The following TMPRSS9 variants were observed in gnomAD, a reference collection of about 807,000 sequenced individuals.
TMPRSS9 encodes the protein transmembrane serine protease 9.
Under a neutral mutation model 111.4 loss-of-function variants are expected in TMPRSS9, and 113 were observed. That is an observed-to-expected ratio of 1.01 (90% CI 0.87 to 1.19). The LOEUF is 1.19. Ranked by LOEUF, TMPRSS9 falls within the 50% of genes most tolerant of loss-of-function variation. The probability of loss-of-function intolerance (pLI) is 0.00; values close to 1 mark genes in which losing one functional copy is unlikely to be tolerated. For synonymous variants in TMPRSS9, 805 were observed against 659.1 expected, an observed-to-expected ratio of 1.22 and a Z score of -3.39; for missense variants, 1,803 against 1,513.1, an observed-to-expected ratio of 1.19 and a Z score of -3.18.
Position 2,399,218 on chromosome 19 carries a change from C to T in TMPRSS9, c.514+25C>T, listed in dbSNP as rs371916432. On this transcript the variant is annotated intron_variant, in intron 4 of 17. Coordinates refer to ENST00000648592, the Ensembl canonical transcript of TMPRSS9. ...GGTGAGTGGGCAGCCGAGACCGAAA[C>T]CCCATCACGAGGAGGCTGGAGTGGG... 3.8e-4 allele frequency: 585 copies of T among 1,554,674 alleles called. 1 individual carries two copies. Among genetic ancestry groups the T allele is most frequent in the Non-Finnish European group, 4.3e-4 (492 of 1,150,790 alleles).
At chr19:2,364,707 C>T (rs117672689) in intron 1 of TMPRSS9, among the ~76,000 whole-genome samples, 307 of 152,060 alleles carry the variant, frequency 2.0e-3, no homozygotes, top group Non-Finnish European at 3.3e-3. Flanking sequence ...AAAACTGGGC[C>T]GGGAACGGTG....
chr19:2,378,625 GA>G (rs1970357187), intron 1 of TMPRSS9, among the ~76,000 whole-genome samples: 1 of 152,212 alleles, frequency 6.6e-6, no homozygotes, highest in South Asian at 2.1e-4. Context: ...GGCTGAGGCA[GA>G]AGAATTGCTT....
exon 14 of TMPRSS9, chr19:2,422,121 C>T (rs1432933638): frequency 7.5e-6 from 12 of 1,598,310 alleles, no homozygotes; most frequent in Non-Finnish European, 1.0e-5. Flanking sequence ...CAGACCCACC[C>T]CTGGGGCTGC....
rs760878018 is a variant in TMPRSS9, at chr19:2,425,371, C to A, written c.2998C>A (p.Gln1000Lys). The A allele has an allele frequency of 1.9e-5, 29 of 1,528,486 alleles. No individual in the cohort carries two copies. The East Asian group carries it at 7.6e-4, about 40-fold the overall frequency. 94.7% of individuals were successfully genotyped at this position (1,528,486 alleles called of 1,614,324 possible). The stretch of plus-strand genomic sequence containing the variant: ...CCCGCCCGCAGGCTCCATGGCGCGG[C>A]AGCTGCAGAAGGCGGCCGTGCGCCT... The change falls in exon 17 of 18, where the codon CAG (glutamine) becomes AAG (lysine). Residue 1000 changes from glutamine (Q) to lysine (K), a missense_variant. Transcript: ENST00000648592.
At chr19:2,367,235 AACC>A (rs1970254280) in intron 1 of TMPRSS9, among the ~76,000 whole-genome samples, 1 of 152,134 alleles carries the variant, frequency 6.6e-6, no homozygotes. Context: ...GATATTTAAA[AACC>A]ACCACATCTA....
chr19:2,408,531 C>A lies in TMPRSS9; in HGVS notation c.1018C>A (p.Arg340=), dbSNP rs200048842. The A allele has an allele frequency of 1.9e-5, 31 of 1,613,758 alleles. No individual in the cohort carries two copies. The Admixed American group carries it at 4.8e-4, about 25-fold the overall frequency. ...GCTGACCAGCCCTCTGCCTTTCGGC[C>A]GGCACATCCAGCCCGTGTGCCTCCC... is the stretch of plus-strand genomic sequence containing the variant. The change falls in exon 8 of 18, where the codon CGG becomes AGG. Residue 340 remains arginine (R), a synonymous_variant. Coordinates refer to ENST00000648592, the Ensembl canonical transcript of TMPRSS9.
At chr19:2,411,053 A>G (rs1377893956) in intron 9 of TMPRSS9, among the ~76,000 whole-genome samples, 1 of 151,954 alleles carries the variant, frequency 6.6e-6, no homozygotes, top group African/African-American at 2.4e-5. Context: ...TAATCCCAGC[A>G]CTATGCGAGG....
rs373860481 is a variant in TMPRSS9 at position 2,418,245 on chromosome 19, TC to T, written c.2154+114del. 6.3e-4 allele frequency: 804 copies of T among 1,278,194 alleles called. 14 individuals carry two copies. The highest frequency in any genetic ancestry group is 7.6e-4 in the Non-Finnish European group (698 of 922,758). 79.2% of individuals were successfully genotyped at this position (1,278,194 alleles called of 1,614,324 possible). A position where few individuals can be genotyped will look rare whatever the true frequency, so the allele number is the denominator to read the frequency against. On this transcript the variant is annotated intron_variant, in intron 13 of 17. Transcript: ENST00000648592. Reference sequence around the variant, plus strand: ...CCTAGATTTTTTTCCTTTCTTTCCTTCCCCCCCTCCTTCCCTCCTTGTCCTT... The same window carrying T: ...CCTAGATTTTTTTCCTTTCTTTCCTTCCCCCCTCCTTCCCTCCTTGTCCTT...
intron 1 of TMPRSS9, among the ~76,000 whole-genome samples, chr19:2,374,248 CTT>C (rs1027376774): frequency 8.4e-4 from 59 of 70,396 alleles, no homozygotes; most frequent in East Asian, 2.1e-3. Flanking sequence ...TCTCAACAAT[CTT>C]TTTTTTTTTT....
At chr19:2,408,078 G>A (rs557095928) in intron 7 of TMPRSS9, among the ~76,000 whole-genome samples, 4 of 149,816 alleles carry the variant, frequency 2.7e-5, no homozygotes, top group South Asian at 2.1e-4. Context: ...CACCGCACCT[G>A]GCCTGTTTTT....
chr19:2,408,618 A>G, exon 8 of TMPRSS9: 1 of 1,611,062 alleles, frequency 6.2e-7, no homozygotes, highest in Non-Finnish European at 8.5e-7. Context: ...GGGCTACCTC[A>G]AGGAGGACTT....
chr19:2,396,571 C>G, exon 2 of TMPRSS9: 6 of 1,610,668 alleles, frequency 3.7e-6, no homozygotes, highest in Non-Finnish European at 5.1e-6. Context: ...CCACGTGGAC[C>G]ACACGGCCGA....
exon 18 of TMPRSS9, chr19:2,426,111 G>A: frequency 1.3e-6 from 2 of 1,523,862 alleles, no homozygotes; most frequent in South Asian, 1.2e-5. Flanking sequence ...TGCCCAGGCC[G>A]AGACTCTACG....
At chr19:2,404,736 G>T (rs1416499249) in intron 6 of TMPRSS9, among the ~76,000 whole-genome samples, 9 of 151,982 alleles carry the variant, frequency 5.9e-5, no homozygotes, top group Non-Finnish European at 5.9e-5. Flanking sequence ...TTCGAGACCA[G>T]CCTGGTCAAT....
chr19:2,406,630 T>C (rs12459428), intron 7 of TMPRSS9, among the ~76,000 whole-genome samples: 54,576 of 150,528 alleles, frequency 0.36, 11,163 homozygotes, highest in African/African-American at 0.57. Context: ...CCACCGTGCC[T>C]GGCCCACTTG....
chr19:2,414,743 T>C lies in TMPRSS9; in HGVS notation c.1573+725T>C, dbSNP rs186862576. On this transcript the variant is annotated intron_variant, in intron 10 of 17. Transcript: ENST00000648592. ...TTAGCTGGGCATGGTGGAGGGCACC[T>C]GTAATCCCAGCTACTTGGGAGGCTG... Among the ~76,000 whole-genome samples the C allele has an allele frequency of 7.8e-4, 118 of 150,784 alleles. 1 individual carries two copies. The highest frequency in any genetic ancestry group is 2.7e-3 in the African/African-American group (113 of 41,298).
At chr19:2,418,268 C>T (rs116617942) in intron 13 of TMPRSS9, 130 bp downstream of exon 14, 34,405 of 714,240 alleles carry the variant, frequency 0.048, 1,284 homozygotes, top group Non-Finnish European at 0.057. Flanking sequence ...CCCTCCTTGT[C>T]CTTCCCTCCT....
intron 1 of TMPRSS9, among the ~76,000 whole-genome samples, chr19:2,366,416 T>A (rs1970248035): frequency 6.6e-6 from 1 of 152,180 alleles, no homozygotes; most frequent in African/African-American, 2.4e-5. Flanking sequence ...GTGTATTAGT[T>A]TTTGGTTACT....
intron 1 of TMPRSS9, among the ~76,000 whole-genome samples, chr19:2,377,363 G>A (rs184036997): frequency 1.6e-4 from 23 of 145,978 alleles, no homozygotes; most frequent in Non-Finnish European, 2.3e-4. Flanking sequence ...TCAACATCAT[G>A]GGCTCAAGCA....
Sources: allele counts gnomAD v4.1 joint callset (sites outside exome capture counted in the v4.1 genomes callset), GRCh38; gene constraint gnomAD v4.1.1; transcripts MANE v1.5; gene names NCBI Gene and HGNC (gene_info 2026-07-23, HGNC 2026-07-21).